Variants in CPE observed in about 807,000 individuals in gnomAD.
CPE encodes carbocypeptidase E.
Under a neutral mutation model 53.5 loss-of-function variants are expected in CPE, and 17 were observed. The observed-to-expected ratio is 0.32, with a 90% CI of 0.22 to 0.48. The LOEUF (loss-of-function observed/expected upper bound fraction) is 0.48, where lower values mean the gene tolerates loss of function less well. CPE is among the 20% of genes least tolerant of loss of function. CPE has a pLI of 0.99. For missense variants in CPE, 524 were observed against 614.7 expected, an observed-to-expected ratio of 0.85 and a Z score of 1.56; for synonymous variants, 226 against 228.8, an observed-to-expected ratio of 0.99 and a Z score of 0.11.
At chr4:165,417,137 G>T (rs886999467) in intron 1 of CPE, among the ~76,000 whole-genome samples, 1 of 152,132 alleles carries the variant, frequency 6.6e-6, no homozygotes, top group Non-Finnish European at 1.5e-5. Flanking sequence ...GGATTAGGGG[G>T]CAGAAGAAGG....
In CPE at chr4:165,379,591, C is replaced by A; in HGVS notation, c.307+63C>A. The A allele has an allele frequency of 2.5e-5, 12 of 473,634 alleles. No homozygotes were observed. Among genetic ancestry groups the A allele is most frequent in the Non-Finnish European group, 4.0e-5 (12 of 296,666 alleles). 29.3% of individuals were successfully genotyped at this position (473,634 alleles called of 1,614,324 possible). On this transcript the variant is annotated intron_variant, in intron 1 of 8. Coordinates refer to ENST00000402744, the MANE Select transcript of CPE (RefSeq NM_001873.4). The surrounding 1 kb of genome is among the most constrained non-coding windows in gnomAD (Gnocchi z 6.0). ...CGGAGGGGGGCGGCAGAGGGTGGGA[C>A]TGGTGGCGGTGGGGGAAGGAGGGAG...
At chr4:165,484,249 A>G (rs570210238) in intron 4 of CPE, among the ~76,000 whole-genome samples, 173 bp from the exon 5 acceptor site, 1 of 152,298 alleles carries the variant, frequency 6.6e-6, no homozygotes, top group South Asian at 2.1e-4. Context: ...AAATTTTGTA[A>G]CTTAAAACTA....
At chr4:165,434,601 G>A (rs1322373891) in intron 1 of CPE, among the ~76,000 whole-genome samples, 1 of 152,080 alleles carries the variant, frequency 6.6e-6, no homozygotes, top group African/African-American at 2.4e-5. Flanking sequence ...GTGGAACGAT[G>A]AGCACTAATA....
intron 1 of CPE, among the ~76,000 whole-genome samples, chr4:165,401,169 C>T (rs563214294): frequency 3.9e-5 from 6 of 152,134 alleles, no homozygotes; most frequent in Non-Finnish European, 8.8e-5. Flanking sequence ...GTCTTTTCTG[C>T]GGCCTTCTCT....
At chr4:165,472,116 A>G (rs1027169644) in intron 3 of CPE, among the ~76,000 whole-genome samples, 1 of 152,246 alleles carries the variant, frequency 6.6e-6, no homozygotes, top group Non-Finnish European at 1.5e-5. Flanking sequence ...ACAAAGGATC[A>G]GCAATGTTTT....
At chr4:165,421,898 A>T (rs759760086) in intron 1 of CPE, among the ~76,000 whole-genome samples, 1 of 152,046 alleles carries the variant, frequency 6.6e-6, no homozygotes, top group African/African-American at 2.4e-5. Context: ...CTAATTAATT[A>T]TTTCTGTTTT....
chr4:165,418,022 T>C (rs28638079), intron 1 of CPE, among the ~76,000 whole-genome samples: 12 of 152,132 alleles, frequency 7.9e-5, no homozygotes, highest in Admixed American at 3.3e-4. Context: ...TTCTGACAGG[T>C]GGACTGAGAG....
At chr4:165,388,744 T>C (rs28638775) in intron 1 of CPE, among the ~76,000 whole-genome samples, 1,805 of 146,980 alleles carry the variant, frequency 0.012, 32 homozygotes, top group African/African-American at 0.04. Context: ...TAAAGACATT[T>C]GCAAAATGAA....
intron 1 of CPE, among the ~76,000 whole-genome samples, chr4:165,409,593 CT>C (rs570075151): frequency 3.3e-5 from 5 of 151,506 alleles, no homozygotes; most frequent in South Asian, 4.2e-4. Context: ...AATTTGATGA[CT>C]TTTTTTTTGA....
At chr4:165,385,960 G>C (rs1403932061) in intron 1 of CPE, among the ~76,000 whole-genome samples, 2 of 152,128 alleles carry the variant, frequency 1.3e-5, no homozygotes, top group African/African-American at 4.8e-5. Context: ...TCTTACCCCT[G>C]CTGGGGCTCT....
chr4:165,428,176 C>T (rs191541050), intron 1 of CPE, among the ~76,000 whole-genome samples: 23 of 152,122 alleles, frequency 1.5e-4, no homozygotes, highest in African/African-American at 5.3e-4. Flanking sequence ...ACTATATAGA[C>T]ACATGCTGCT....
rs558749938 is a variant in CPE, at chr4:165,467,160, CA to C, written c.505-523del. 1.1e-4 allele frequency among the ~76,000 whole-genome samples: 17 copies of C among 151,944 alleles called. No homozygotes were observed. The South Asian group carries it at 3.3e-3, about 30-fold the overall frequency. On this transcript the variant is annotated intron_variant, in intron 2 of 8. Coordinates refer to ENST00000402744, the MANE Select transcript of CPE (RefSeq NM_001873.4). Reference sequence around the variant, plus strand: ...CAACATAGCGAGACCCTGTCTTTACCAAAAATAAAAAACTTAGCCTAGCATG... The same window carrying C: ...CAACATAGCGAGACCCTGTCTTTACCAAAATAAAAAACTTAGCCTAGCATG...
intron 1 of CPE, among the ~76,000 whole-genome samples, chr4:165,408,434 C>A (rs994586413): frequency 4.6e-5 from 7 of 152,174 alleles, no homozygotes; most frequent in African/African-American, 1.7e-4. Flanking sequence ...AAAATTCCAT[C>A]CCTCAGCATA....
intron 3 of CPE, among the ~76,000 whole-genome samples, chr4:165,472,264 C>T (rs1009606779): frequency 2.0e-5 from 3 of 152,164 alleles, no homozygotes; most frequent in African/African-American, 7.2e-5. Context: ...TCTAATGTTA[C>T]AATCTTTAAA....
At chr4:165,463,293 T>A (rs527791846) in intron 1 of CPE, among the ~76,000 whole-genome samples, 103 of 152,326 alleles carry the variant, frequency 6.8e-4, no homozygotes, top group Non-Finnish European at 1.1e-3. Flanking sequence ...AATGACAAGA[T>A]AATGTCATGT....
chr4:165,422,026 A>G (rs911383716), intron 1 of CPE, among the ~76,000 whole-genome samples: 27 of 152,230 alleles, frequency 1.8e-4, no homozygotes, highest in African/African-American at 5.5e-4. Flanking sequence ...TTGAGGATTC[A>G]AAGTACATAT....
chr4:165,415,048 T>G (rs1731100248), intron 1 of CPE: 1 of 161,466 alleles, frequency 6.2e-6, no homozygotes, highest in African/African-American at 2.4e-5. Flanking sequence ...TTTGAATCTT[T>G]AATTTATCTC....
intron 2 of CPE, among the ~76,000 whole-genome samples, chr4:165,465,212 T>C (rs2126700952): frequency 6.6e-6 from 1 of 152,300 alleles, no homozygotes; most frequent in East Asian, 1.9e-4. Flanking sequence ...GGGGACATTA[T>C]ATTTGCTGTT....
intron 1 of CPE, among the ~76,000 whole-genome samples, chr4:165,382,774 T>A (rs1488137312): frequency 6.6e-6 from 1 of 152,222 alleles, no homozygotes; most frequent in African/African-American, 2.4e-5. Flanking sequence ...TCTTTATACA[T>A]GCTTGGTACA....
Sources: allele counts gnomAD v4.1 joint callset (sites outside exome capture counted in the v4.1 genomes callset), GRCh38; gene constraint gnomAD v4.1.1; non-coding constraint Gnocchi (gnomAD v3.1); transcripts MANE v1.5; gene names NCBI Gene and HGNC (gene_info 2026-07-23, HGNC 2026-07-21).